Variants in FARP2 observed in about 807,000 individuals in gnomAD.
FARP2 encodes FERM, ARHGEF and pleckstrin domain-containing protein 2.
Under a neutral mutation model 130.5 loss-of-function variants are expected in FARP2, and 111 were observed. That is an observed-to-expected ratio of 0.85 (90% CI 0.73 to 1.00). The LOEUF is 1.00. Ranked by LOEUF, FARP2 falls within the 50% of genes least tolerant of loss-of-function variation. The pLI is 0.00. For synonymous variants in FARP2, 504 were observed against 516.9 expected (o/e 0.98, Z 0.34); for missense variants, 1,385 against 1,346.3 (o/e 1.03, Z -0.45).
intron 18 of FARP2, among the ~76,000 whole-genome samples, chr2:241,471,697 G>C (rs1247112762): frequency 6.6e-6 from 1 of 151,772 alleles, no homozygotes; most frequent in Non-Finnish European, 1.5e-5. Context: ...GGGTTTCACC[G>C]TGTTAGCCAG....
chr2:241,357,641 G>A (rs1025595980), intron 1 of FARP2, among the ~76,000 whole-genome samples: 3 of 152,116 alleles, frequency 2.0e-5, no homozygotes, highest in Non-Finnish European at 4.4e-5. Flanking sequence ...TCACACCTAG[G>A]GTACTTGCAA....
chr2:241,471,667 T>G (rs1171347880), intron 18 of FARP2, among the ~76,000 whole-genome samples: 1 of 151,812 alleles, frequency 6.6e-6, no homozygotes, highest in African/African-American at 2.4e-5. Context: ...CTAATTTTTT[T>G]TGTATTTTTA....
intron 2 of FARP2, among the ~76,000 whole-genome samples, chr2:241,379,515 T>C (rs2061613838): frequency 6.6e-6 from 1 of 152,230 alleles, no homozygotes; most frequent in Admixed American, 6.5e-5. Flanking sequence ...TCTTTAGAAT[T>C]GCAGAGGCTT....
intron 2 of FARP2, among the ~76,000 whole-genome samples, chr2:241,385,159 A>G (rs2061755122): frequency 6.6e-6 from 1 of 152,166 alleles, no homozygotes; most frequent in Admixed American, 6.5e-5. Flanking sequence ...ATTTAGAGGA[A>G]TCAAATTTGG....
At chr2:241,423,484 C>T (rs186120533) in intron 8 of FARP2, among the ~76,000 whole-genome samples, 9 of 152,336 alleles carry the variant, frequency 5.9e-5, no homozygotes, top group Admixed American at 5.2e-4. Flanking sequence ...AAAGGAAAAA[C>T]TGTTAACAGC....
intron 2 of FARP2, among the ~76,000 whole-genome samples, chr2:241,390,803 T>G (rs1421040586): frequency 1.3e-5 from 2 of 152,252 alleles, no homozygotes; most frequent in Non-Finnish European, 1.5e-5. Flanking sequence ...GGTGACTAAT[T>G]TCTCTGCTTT....
chr2:241,493,539 C>T, intron 26 of FARP2, 95 bp downstream of exon 26: 4 of 1,176,698 alleles, frequency 3.4e-6, no homozygotes, highest in Non-Finnish European at 5.0e-6. Context: ...GTTTTCTGGG[C>T]CCTGGAAAGG....
intron 16 of FARP2, 126 bp downstream of exon 16, chr2:241,463,594 A>G (rs2064085629): frequency 1.8e-6 from 2 of 1,099,672 alleles, no homozygotes. Flanking sequence ...TATTTTTAGG[A>G]GCCTGTGGGG....
intron 1 of FARP2, among the ~76,000 whole-genome samples, chr2:241,368,925 G>A (rs999108872): frequency 6.6e-6 from 1 of 152,048 alleles, no homozygotes; most frequent in Non-Finnish European, 1.5e-5. Flanking sequence ...TTTATGCCAC[G>A]TTACTATTAT....
chr2:241,404,679 A>G lies in FARP2; in HGVS notation c.289-120A>G, dbSNP rs577742922. The G allele has an allele frequency of 6.5e-5, 44 of 675,564 alleles. No individual in the cohort carries two copies. The South Asian group carries it at 7.9e-4, about 12-fold the overall frequency. 41.8% of individuals were successfully genotyped at this position (675,564 alleles called of 1,614,324 possible). A position where few individuals can be genotyped will look rare whatever the true frequency, so the allele number is the denominator to read the frequency against. On this transcript the variant is annotated intron_variant, in intron 3 of 26. Coordinates refer to ENST00000264042, the MANE Select transcript of FARP2 (RefSeq NM_014808.4). ...ATTCAACCTTTAAGAGGGGGGGTAG[A>G]GTCAAAATTTTCCTGACATAAAAAT... is the stretch of plus-strand genomic sequence containing the variant.
At chr2:241,477,175 G>A (rs1261133479) in intron 19 of FARP2, among the ~76,000 whole-genome samples, 1 of 141,418 alleles carries the variant, frequency 7.1e-6, no homozygotes, top group Non-Finnish European at 1.5e-5. Flanking sequence ...CTGTCACCAG[G>A]CTGGGGTGCA....
intron 8 of FARP2, among the ~76,000 whole-genome samples, chr2:241,420,427 G>C (rs2062777102): frequency 6.6e-6 from 1 of 152,170 alleles, no homozygotes; most frequent in Non-Finnish European, 1.5e-5. Context: ...AAGCTGGCAG[G>C]CTTTGGAACA....
chr2:241,408,287 G>A (rs906914635), intron 5 of FARP2, among the ~76,000 whole-genome samples: 1 of 151,960 alleles, frequency 6.6e-6, no homozygotes, highest in Non-Finnish European at 1.5e-5. Context: ...CAGGAGAGTG[G>A]CATGAACCCG....
chr2:241,383,878 G>A (rs543658862), intron 2 of FARP2, among the ~76,000 whole-genome samples: 2 of 152,234 alleles, frequency 1.3e-5, no homozygotes, highest in South Asian at 4.1e-4. Flanking sequence ...TTAGGCATCT[G>A]AGGAGAGGGT....
At position 241,489,984 on chromosome 2, in the gene FARP2, G is replaced by A. The variant is rs764798874; in HGVS notation, c.2444G>A (p.Trp815Ter). The A allele has an allele frequency of 1.2e-6, 2 of 1,613,670 alleles. No individual in the cohort carries two copies. Among genetic ancestry groups the A allele is most frequent in the African/African-American group, 1.3e-5 (1 of 75,018 alleles). The change falls in exon 22 of 27, where the codon TGG becomes TAG. Residue 815 changes from tryptophan (W) to a stop codon, truncating the protein, a stop_gained. Coordinates refer to ENST00000264042, the MANE Select transcript of FARP2 (RefSeq NM_014808.4). LOFTEE classifies it high-confidence loss of function. ...GMLVEESDNE[W>*]SVPHCFTIYA... ...CAGGTGGAAGAAAGTGATAACGAGTGGTCTGTTCCACACTGTTTCACCATC... is the reference window on the plus strand; with the variant it reads ...CAGGTGGAAGAAAGTGATAACGAGTAGTCTGTTCCACACTGTTTCACCATC...
intron 8 of FARP2, among the ~76,000 whole-genome samples, chr2:241,424,978 G>C (rs954271410): frequency 6.6e-6 from 1 of 152,110 alleles, no homozygotes; most frequent in Non-Finnish European, 1.5e-5. Context: ...GAGGCCAATG[G>C]GGGCAGATCA....
intron 2 of FARP2, among the ~76,000 whole-genome samples, chr2:241,387,736 T>G (rs2061820127): frequency 7.0e-6 from 1 of 143,012 alleles, no homozygotes; most frequent in Non-Finnish European, 1.5e-5. Flanking sequence ...GAGCTTGCAG[T>G]GAGCCGAGCT....
At chr2:241,379,695 A>T (rs2061618056) in intron 2 of FARP2, among the ~76,000 whole-genome samples, 1 of 152,248 alleles carries the variant, frequency 6.6e-6, no homozygotes, top group African/African-American at 2.4e-5. Flanking sequence ...CTCCCACACG[A>T]ACATCCTAAA....
intron 18 of FARP2, among the ~76,000 whole-genome samples, chr2:241,468,729 G>A (rs2064236780): frequency 6.6e-6 from 1 of 152,230 alleles, no homozygotes; most frequent in South Asian, 2.1e-4. Flanking sequence ...CAAGTGCACT[G>A]GGGAATGGGG....
Sources: allele counts gnomAD v4.1 joint callset (sites outside exome capture counted in the v4.1 genomes callset), GRCh38; gene constraint gnomAD v4.1.1; transcripts MANE v1.5; gene names NCBI Gene and HGNC (gene_info 2026-07-23, HGNC 2026-07-21).